Variants in PPP2R2B observed in about 807,000 individuals in gnomAD.
PPP2R2B encodes serine/threonine-protein phosphatase 2A 55 kDa regulatory subunit B beta isoform.
PPP2R2B carries 5 observed loss-of-function variants against 46.0 expected under a neutral mutation model. The observed-to-expected ratio is 0.11, with a 90% CI of 0.06 to 0.23. PPP2R2B has a LOEUF of 0.23. Among genes scored for constraint, PPP2R2B ranks in the 10% least tolerant of loss-of-function variants. The probability of loss-of-function intolerance (pLI) is 1.00; values close to 1 mark genes in which losing one functional copy is unlikely to be tolerated. For synonymous variants in PPP2R2B, 215 were observed against 206.7 expected, an observed-to-expected ratio of 1.04 and a Z score of -0.34; for missense variants, 367 against 575.0, an observed-to-expected ratio of 0.64 and a Z score of 3.70.
intron 6 of PPP2R2B, among the ~76,000 whole-genome samples, chr5:146,646,007 A>G (rs1775556551): frequency 6.6e-6 from 1 of 152,200 alleles, no homozygotes; most frequent in Non-Finnish European, 1.5e-5. Context: ...ATCTTAACTA[A>G]TTCTTCAGCA....
intron 1 of PPP2R2B, among the ~76,000 whole-genome samples, chr5:146,997,799 GGAAA>G (rs1356211482): frequency 1.3e-5 from 2 of 152,080 alleles, no homozygotes; most frequent in African/African-American, 4.8e-5. Context: ...AGACAAAGGA[GGAAA>G]GAAATTACCC....
At chr5:146,688,712 C>T (rs962118432) in intron 5 of PPP2R2B, among the ~76,000 whole-genome samples, 1 of 152,006 alleles carries the variant, frequency 6.6e-6, no homozygotes, top group Non-Finnish European at 1.5e-5. Flanking sequence ...ACCTTCTTTG[C>T]TCTTTATCAT....
Position 146,584,381 on chromosome 5 carries a change from A to G in PPP2R2B, c.*5566T>C, listed in dbSNP as rs1770036882. 6.6e-6 allele frequency: 1 copy of G among 152,210 alleles called. No homozygotes were observed. The highest frequency in any genetic ancestry group is 2.4e-5 in the African/African-American group (1 of 41,462). 9.4% of individuals were successfully genotyped at this position (152,210 alleles called of 1,614,324 possible). A position where few individuals can be genotyped will look rare whatever the true frequency, so the allele number is the denominator to read the frequency against. On this transcript the variant is annotated 3_prime_UTR_variant, in exon 10 of 10. Coordinates refer to ENST00000394411, the MANE Select transcript of PPP2R2B (RefSeq NM_181675.4). ...TGCTTTGATGACAGACCAAATTTGT[A>G]TTCTTGGTCAGCTGTCAGGCAATAT...
intron 2 of PPP2R2B, among the ~76,000 whole-genome samples, chr5:146,803,487 T>C (rs1451709538): frequency 6.6e-6 from 1 of 152,182 alleles, no homozygotes; most frequent in East Asian, 1.9e-4. Context: ...CGGCATTTAA[T>C]AAAATTTATT....
intron 1 of PPP2R2B, among the ~76,000 whole-genome samples, chr5:146,972,174 T>C (rs1191317771): frequency 1.3e-5 from 2 of 149,060 alleles, no homozygotes; most frequent in African/African-American, 5.0e-5. Context: ...TCAATTTGGG[T>C]TTGTCAAATA....
chr5:147,067,606 T>A (rs185493267), intron 2 of PPP2R2B, among the ~76,000 whole-genome samples: 1 of 152,332 alleles, frequency 6.6e-6, no homozygotes, highest in Admixed American at 6.5e-5. Flanking sequence ...CATTAAGTGG[T>A]AAAGTGGAAG....
chr5:146,914,298 A>G (rs996495477), intron 1 of PPP2R2B: 7 of 152,184 alleles, frequency 4.6e-5, no homozygotes, highest in Admixed American at 1.3e-4. Flanking sequence ...TAGAGGCCAC[A>G]TGCTTTCTGC....
Position 146,586,303 on chromosome 5 carries a change from C to T in PPP2R2B, c.*3644G>A, listed in dbSNP as rs1019122484. Reference sequence around the variant, plus strand: ...AGAGGGAAAATTAGTAAGGGTTCCACCATTCAGGCTGTGGACTATAGTGTC... The same window carrying T: ...AGAGGGAAAATTAGTAAGGGTTCCATCATTCAGGCTGTGGACTATAGTGTC... On this transcript the variant is annotated 3_prime_UTR_variant, in exon 10 of 10. Transcript: ENST00000394411. 1 of 152,210 alleles carries T rather than the reference C, an allele frequency of 6.6e-6. No homozygotes were observed. Among genetic ancestry groups the T allele is most frequent in the Non-Finnish European group, 1.5e-5 (1 of 68,044 alleles). 9.4% of individuals were successfully genotyped at this position (152,210 alleles called of 1,614,324 possible). A position where few individuals can be genotyped will look rare whatever the true frequency, so the allele number is the denominator to read the frequency against.
At chr5:146,757,527 G>A (rs1561882918) in intron 2 of PPP2R2B, among the ~76,000 whole-genome samples, 1 of 152,084 alleles carries the variant, frequency 6.6e-6, no homozygotes, top group African/African-American at 2.4e-5. Context: ...CCCATTTGAG[G>A]TGACTTTGAA....
intron 1 of PPP2R2B, among the ~76,000 whole-genome samples, chr5:146,952,926 A>G (rs1274062389): frequency 6.6e-6 from 1 of 152,208 alleles, no homozygotes; most frequent in African/African-American, 2.4e-5. Flanking sequence ...ATAATAAGTG[A>G]GAGGGGTAGG....
At chr5:146,806,862 A>T (rs1757209041) in intron 2 of PPP2R2B, among the ~76,000 whole-genome samples, 1 of 152,188 alleles carries the variant, frequency 6.6e-6, no homozygotes, top group South Asian at 2.1e-4. Context: ...AGGAAGTATA[A>T]AAGTGCCCCC....
chr5:146,818,560 G>A (rs913930271), intron 2 of PPP2R2B, among the ~76,000 whole-genome samples: 1 of 152,102 alleles, frequency 6.6e-6, no homozygotes, highest in African/African-American at 2.4e-5. Flanking sequence ...ATTGTTCCGA[G>A]GGAACTCACA....
intron 2 of PPP2R2B, among the ~76,000 whole-genome samples, chr5:146,829,390 G>C (rs1393147899): frequency 2.6e-5 from 4 of 152,162 alleles, no homozygotes; most frequent in African/African-American, 9.7e-5. Context: ...ATATTAATGG[G>C]CATGCTTGTG....
intron 2 of PPP2R2B, among the ~76,000 whole-genome samples, chr5:146,704,027 G>A (rs1779691901): frequency 6.6e-6 from 1 of 152,114 alleles, no homozygotes; most frequent in African/African-American, 2.4e-5. Flanking sequence ...AGAATAAGCC[G>A]TGGCAGCTCA....
rs781501131 is a variant in PPP2R2B, at chr5:146,878,098, C to A, written c.-27G>T. On this transcript the variant is annotated 5_prime_UTR_variant, in exon 2 of 10. Coordinates refer to ENST00000394411, the MANE Select transcript of PPP2R2B (RefSeq NM_181675.4). This position sits in a 1 kb window ranked among gnomAD's most constrained non-coding sequence, Gnocchi z 4.5. The stretch of plus-strand genomic sequence containing the variant: ...GACAGCAGGCTTACTTGCGTGGGAA[C>A]CAGAAGCCGGCAGACAAGTATCCAT... 6.2e-7 allele frequency: 1 copy of A among 1,614,114 alleles called. No homozygotes were observed. The highest frequency in any genetic ancestry group is 2.2e-5 in the East Asian group (1 of 44,864).
At chr5:147,021,229 C>G (rs944397916) in intron 1 of PPP2R2B, among the ~76,000 whole-genome samples, 1 of 152,198 alleles carries the variant, frequency 6.6e-6, no homozygotes, top group East Asian at 1.9e-4. Flanking sequence ...GACTTAATTG[C>G]TCTTTCAGTT....
intron 1 of PPP2R2B, among the ~76,000 whole-genome samples, chr5:146,933,511 A>G (rs1220931410): frequency 6.6e-6 from 1 of 152,136 alleles, no homozygotes; most frequent in Non-Finnish European, 1.5e-5. Context: ...AGAAAAAAAT[A>G]AAACCTATTA....
intron 5 of PPP2R2B, among the ~76,000 whole-genome samples, chr5:146,659,291 T>A (rs1442348925): frequency 6.6e-6 from 1 of 152,214 alleles, no homozygotes; most frequent in Non-Finnish European, 1.5e-5. Context: ...TATTTAACAT[T>A]ACAATGGAAA....
chr5:147,052,840 A>G (rs1426757020), intron 1 of PPP2R2B, among the ~76,000 whole-genome samples: 1 of 152,136 alleles, frequency 6.6e-6, no homozygotes, highest in Admixed American at 6.6e-5. Context: ...TGACTGCTAC[A>G]TGGAGAACCA....
Sources: allele counts gnomAD v4.1 joint callset (sites outside exome capture counted in the v4.1 genomes callset), GRCh38; gene constraint gnomAD v4.1.1; non-coding constraint Gnocchi (gnomAD v3.1); transcripts MANE v1.5; gene names NCBI Gene and HGNC (gene_info 2026-07-23, HGNC 2026-07-21).